The following LRIF1 variants were observed in gnomAD, a reference collection of about 807,000 sequenced individuals.
LRIF1 encodes ligand-dependent nuclear receptor-interacting factor 1.
LRIF1 carries 32 observed loss-of-function variants against 52.7 expected under a neutral mutation model. That is an observed-to-expected ratio of 0.61 (90% CI 0.46 to 0.82). The LOEUF (loss-of-function observed/expected upper bound fraction) is 0.82, where lower values mean the gene tolerates loss of function less well. LRIF1 is among the 40% of genes least tolerant of loss of function. The pLI is 0.00. For synonymous variants in LRIF1, 323 were observed against 317.4 expected, an observed-to-expected ratio of 1.02 and a Z score of -0.19; for missense variants, 887 against 892.0, an observed-to-expected ratio of 0.99 and a Z score of 0.07.
the LRIF1 span, among the ~76,000 whole-genome samples, chr1:110,902,962 G>C: frequency 2.6e-5 from 4 of 152,094 alleles, no homozygotes; most frequent in African/African-American, 4.8e-5. Context: ...TCTGGGTGCC[G>C]GGGGAGGGAG....
Position 110,948,241 on chromosome 1 carries a change from T to G in LRIF1, c.2028A>C (p.Ser676=), listed in dbSNP as rs1319525229. Residue 676 remains serine, a synonymous_variant, in exon 4 of 4, where the codon TCA becomes TCC. Transcript: ENST00000369763. ...LSSILPTSDV[S]QHNILTSHSK... is the part of the protein sequence containing the mutation. ...TGTGACTCGTGAGAATGTTATGTTG[T>G]GACACATCTGAAGTTGGTAAAATAC... 6.2e-7 allele frequency: 1 copy of G among 1,614,130 alleles called. No individual in the cohort carries two copies. Among genetic ancestry groups the G allele is most frequent in the Admixed American group, 1.7e-5 (1 of 60,026 alleles).
At chr1:110,884,213 A>G in the LRIF1 span, among the ~76,000 whole-genome samples, 11 of 152,176 alleles carry the variant, frequency 7.2e-5, no homozygotes, top group Middle Eastern at 3.4e-3. Context: ...ATGTTTTTAA[A>G]GTTTTTCTCA....
chr1:110,886,869 A>ATATATATATTTT, the LRIF1 span, among the ~76,000 whole-genome samples: 342 of 82,726 alleles, frequency 4.1e-3, 1 homozygote, highest in Middle Eastern at 6.4e-3. Flanking sequence ...ATATATATAT[A>ATATATATATTTT]TTTTTTTTTT....
the LRIF1 span, among the ~76,000 whole-genome samples, chr1:110,927,970 A>G: frequency 6.6e-6 from 1 of 152,174 alleles, no homozygotes; most frequent in Admixed American, 6.5e-5. Context: ...ATCATTCAAA[A>G]AGTGCATGTG....
chr1:110,952,482 T>G lies in LRIF1; in HGVS notation c.402A>C (p.Lys134Asn). The change falls in exon 2 of 4, where the codon AAA becomes AAC. Residue 134 changes from lysine (K) to asparagine (N), a missense_variant. Lys to Asn is a moderately conservative substitution (Grantham distance 94, BLOSUM62 0). Transcript: ENST00000369763. ...CAATTTTCACACCATGACTCTGAACTTTAGAAACTGATGAAGAAAAATTTC... is the reference window on the plus strand; with the variant it reads ...CAATTTTCACACCATGACTCTGAACGTTAGAAACTGATGAAGAAAAATTTC... ...GTGNFSSSVS[K>N]VQSHGVKIDG... 17 of 1,613,376 alleles carry G rather than the reference T, an allele frequency of 1.1e-5. No homozygotes were observed. The highest frequency in any genetic ancestry group is 1.4e-5 in the Non-Finnish European group (16 of 1,179,366).
the LRIF1 span, among the ~76,000 whole-genome samples, chr1:110,882,277 G>A: frequency 6.6e-6 from 1 of 152,004 alleles, no homozygotes; most frequent in South Asian, 2.1e-4. Context: ...TATGGAGAGA[G>A]GTATAAATGC....
the LRIF1 span, among the ~76,000 whole-genome samples, chr1:110,895,932 T>G: frequency 7.5e-4 from 115 of 152,328 alleles, no homozygotes; most frequent in African/African-American, 2.6e-3. Context: ...ACACCTAAAA[T>G]TTTATAATTT....
At position 110,948,126 on chromosome 1, in the gene LRIF1, C is replaced by A; in HGVS notation, c.2143G>T (p.Glu715Ter). The A allele has an allele frequency of 1.2e-6, 2 of 1,614,016 alleles. No homozygotes were observed. Among genetic ancestry groups the A allele is most frequent in the South Asian group, 1.1e-5 (1 of 91,072 alleles). ...KGTLNSNAAY[E>*]QSHFFNKNYT... The stretch of plus-strand genomic sequence containing the variant: ...TTTTTATTGAAGAAATGACTTTGTT[C>A]ATAAGCTGCATTTGAATTCAAAGTG... The change falls in exon 4 of 4, where the codon GAA becomes TAA. Residue 715 changes from glutamate (E) to a stop codon, truncating the protein, a stop_gained. Transcript: ENST00000369763. LOFTEE classifies it high-confidence loss of function.
chr1:110,949,488 C>G (rs1214883391), intron 3 of LRIF1, among the ~76,000 whole-genome samples: 1 of 150,334 alleles, frequency 6.7e-6, no homozygotes, highest in East Asian at 2.0e-4. Context: ...GGTGCGATCT[C>G]GGTTCACTAC....
chr1:110,908,505 G>T, the LRIF1 span, among the ~76,000 whole-genome samples: 1 of 152,142 alleles, frequency 6.6e-6, no homozygotes, highest in Admixed American at 6.6e-5. Context: ...ACAGTAAAAT[G>T]GTTCAAGAGT....
At chr1:110,917,684 T>C in the LRIF1 span, among the ~76,000 whole-genome samples, 1 of 149,650 alleles carries the variant, frequency 6.7e-6, no homozygotes, top group African/African-American at 2.4e-5. Flanking sequence ...CATAAAAAAA[T>C]AGCTGTAGTA....
At chr1:110,881,902 A>T in the LRIF1 span, among the ~76,000 whole-genome samples, 3 of 152,200 alleles carry the variant, frequency 2.0e-5, no homozygotes, top group Admixed American at 6.5e-5. Flanking sequence ...TTTGCCATCC[A>T]TATAGTATCT....
chr1:110,928,800 T>C, the LRIF1 span, among the ~76,000 whole-genome samples: 115 of 152,094 alleles, frequency 7.6e-4, no homozygotes, highest in African/African-American at 2.6e-3. Flanking sequence ...TTACTGAAGT[T>C]CAGTGGTGAC....
chr1:110,962,915 T>A (rs961202826), intron 1 of LRIF1, among the ~76,000 whole-genome samples: 97 of 147,026 alleles, frequency 6.6e-4, no homozygotes, highest in Non-Finnish European at 1.1e-3. Context: ...TAATACAATT[T>A]AAAAAAAAAA....
the LRIF1 span, among the ~76,000 whole-genome samples, chr1:110,926,860 A>T: frequency 1.2e-4 from 19 of 152,192 alleles, no homozygotes; most frequent in African/African-American, 4.3e-4. Flanking sequence ...GCGAAGATTT[A>T]TGTTAAAGCT....
At chr1:110,957,105 T>G (rs1269834099) in intron 1 of LRIF1, among the ~76,000 whole-genome samples, 2 of 152,010 alleles carry the variant, frequency 1.3e-5, no homozygotes, top group Non-Finnish European at 2.9e-5. Flanking sequence ...AGCATTCTCC[T>G]TTAACTATCC....
the LRIF1 span, chr1:110,899,708 G>A: frequency 1.3e-5 from 2 of 154,902 alleles, no homozygotes; most frequent in Non-Finnish European, 2.9e-5. Context: ...TTTCTCCAAA[G>A]GGCAAGATCT....
At chr1:110,927,146 C>T in the LRIF1 span, among the ~76,000 whole-genome samples, 1 of 152,102 alleles carries the variant, frequency 6.6e-6, no homozygotes, top group Non-Finnish European at 1.5e-5. Context: ...AGGCGAAATT[C>T]TAAAAACTGT....
At chr1:110,893,675 C>A in the LRIF1 span, among the ~76,000 whole-genome samples, 1 of 152,140 alleles carries the variant, frequency 6.6e-6, no homozygotes, top group African/African-American at 2.4e-5. Flanking sequence ...TTAAAAAGTC[C>A]CTCTTCTCAG....
Sources: gnomAD v4.1 joint callset for allele counts (sites outside exome capture counted in the v4.1 genomes callset) on GRCh38, gnomAD v4.1.1 for gene constraint, MANE v1.5 for transcripts, NCBI Gene and HGNC (gene_info 2026-07-23, HGNC 2026-07-21) for gene names.